FREM1: variants seen among roughly 807,000 people sequenced by gnomAD.
FREM1 encodes FRAS1 related extracellular matrix 1.
Under a neutral mutation model 210.1 loss-of-function variants are expected in FREM1, and 220 were observed. The ratio of observed to expected loss-of-function variants is 1.05; its 90% CI spans 0.94 to 1.17. The LOEUF (loss-of-function observed/expected upper bound fraction) is 1.17, where lower values mean the gene tolerates loss of function less well. FREM1 is among the 50% of genes most tolerant of loss of function. The pLI is 0.00. For missense variants in FREM1, 3,454 were observed against 2,675.5 expected, an observed-to-expected ratio of 1.29 and a Z score of -6.42; for synonymous variants, 1,189 against 980.2, an observed-to-expected ratio of 1.21 and a Z score of -3.98.
At chr9:14,902,996 G>A (rs28559272) in intron 1 of FREM1, among the ~76,000 whole-genome samples, 4,102 of 152,292 alleles carry the variant, frequency 0.027, 196 homozygotes, top group African/African-American at 0.092. Flanking sequence ...ACTATTTAAT[G>A]TAATCAAATG....
In FREM1 at chr9:14,784,621, G is replaced by A. The variant is rs1850126443; in HGVS notation, c.4191C>T (p.Ile1397=). 1.3e-6 allele frequency: 2 copies of A among 1,580,304 alleles called. No homozygotes were observed. The highest frequency in any genetic ancestry group is 1.3e-5 in the African/African-American group (1 of 74,354). ...IKDMEKGDIV[I]LTKPLVVSKG... Reference sequence around the variant, plus strand: ...TAGACACCACGAGTGGTTTTGTAAGGATGACAATATCACCTACATGACATA... The same window carrying A: ...TAGACACCACGAGTGGTTTTGTAAGAATGACAATATCACCTACATGACATA... Residue 1397 remains isoleucine (I), a synonymous_variant, in exon 24 of 37, where the codon ATC becomes ATT. Transcript: ENST00000380880.
intron 1 of FREM1, among the ~76,000 whole-genome samples, chr9:14,881,706 C>T (rs751284409): frequency 2.0e-5 from 3 of 152,150 alleles, no homozygotes; most frequent in Non-Finnish European, 4.4e-5. Context: ...TCACCTTCCT[C>T]CATAGAAATA....
intron 27 of FREM1, among the ~76,000 whole-genome samples, chr9:14,764,032 C>T (rs958158348): frequency 1.3e-5 from 2 of 152,136 alleles, no homozygotes; most frequent in Admixed American, 1.3e-4. Flanking sequence ...CCATAATTCC[C>T]ACATGTTGTG....
intron 1 of FREM1, among the ~76,000 whole-genome samples, chr9:14,885,504 C>T (rs575582288): frequency 1.5e-4 from 23 of 152,308 alleles, no homozygotes; most frequent in African/African-American, 5.5e-4. Context: ...ACTGCAGCCT[C>T]CAATTCCTGG....
intron 27 of FREM1, 109 bp downstream of exon 27, chr9:14,769,615 T>C: frequency 2.6e-6 from 3 of 1,157,528 alleles, no homozygotes; most frequent in Non-Finnish European, 3.6e-6. Flanking sequence ...AAATGGTCTA[T>C]TAATTTATCT....
chr9:14,808,974 G>A (rs906616085), intron 16 of FREM1, among the ~76,000 whole-genome samples: 3 of 152,196 alleles, frequency 2.0e-5, no homozygotes, highest in African/African-American at 7.2e-5. Context: ...CAAGAAGGCA[G>A]TGATACGGTT....
rs367683906 is a variant in FREM1 at position 14,824,134 on chromosome 9, G to A, written c.2079-19C>T. The A allele has an allele frequency of 3.1e-5, 45 of 1,445,280 alleles. No homozygotes were observed. Among genetic ancestry groups the A allele is most frequent in the South Asian group, 2.4e-5 (2 of 82,062 alleles). The allele number at this position is 1,445,280 out of a possible 1,614,324, so 89.5% of individuals were successfully genotyped here. On this transcript the variant is annotated intron_variant, in intron 11 of 36. Transcript: ENST00000380880. ...CAAGTGTCTAAAGAGAAATACAGAG[G>A]AGCACATCAGCTCATTTTTAGGTAA...
At chr9:14,804,750 A>G (rs1818048401) in intron 19 of FREM1, among the ~76,000 whole-genome samples, 1 of 152,170 alleles carries the variant, frequency 6.6e-6, no homozygotes, top group Non-Finnish European at 1.5e-5. Flanking sequence ...TAATTACTGA[A>G]GGGCTCTCCA....
chr9:14,868,677 C>G, intron 2 of FREM1, 67 bp downstream of exon 2: 1 of 982,962 alleles, frequency 1.0e-6, no homozygotes, highest in South Asian at 1.4e-5. Context: ...TTCTCTGTCC[C>G]CCCACACATT....
Position 14,792,824 on chromosome 9 carries a change from T to G in FREM1, c.3900A>C (p.Ser1300=). 7 of 1,603,686 alleles carry G rather than the reference T, an allele frequency of 4.4e-6. No individual in the cohort carries two copies. The highest frequency in any genetic ancestry group is 6.0e-6 in the Non-Finnish European group (7 of 1,173,950). Residue 1300 remains serine (S), a synonymous_variant, in exon 22 of 37, where the codon TCA becomes TCC. Coordinates refer to ENST00000380880, the MANE Select transcript of FREM1 (RefSeq NM_001379081.2). The part of the protein sequence containing the change: ...ETRIISSAIL[S]AIDEDSPREK... Reference sequence around the variant, plus strand: ...CCCTGGGTGAGTCTTCATCTATGGCTGAAAGAATAGCACTGGAAATAATAC... The same window carrying G: ...CCCTGGGTGAGTCTTCATCTATGGCGGAAAGAATAGCACTGGAAATAATAC...
intron 1 of FREM1, among the ~76,000 whole-genome samples, chr9:14,900,660 G>A (rs954545195): frequency 1.3e-5 from 2 of 152,252 alleles, no homozygotes; most frequent in East Asian, 3.9e-4. Context: ...AAGACAGGAC[G>A]CTCCAAGGGA....
intron 16 of FREM1, 57 bp downstream of exon 16, chr9:14,812,755 G>A (rs1245817153): frequency 6.6e-7 from 1 of 1,525,656 alleles, no homozygotes; most frequent in Admixed American, 1.9e-5. Flanking sequence ...CCACACTGAG[G>A]AGTGGAGACT....
intron 15 of FREM1, among the ~76,000 whole-genome samples, chr9:14,815,497 A>C (rs1277912413): frequency 2.6e-5 from 4 of 152,196 alleles, no homozygotes; most frequent in African/African-American, 9.7e-5. Context: ...GAAAATAATT[A>C]GTGGCTCTTC....
chr9:14,874,528 TCCTC>T (rs1238140373), intron 1 of FREM1, among the ~76,000 whole-genome samples: 1 of 150,646 alleles, frequency 6.6e-6, no homozygotes, highest in African/African-American at 2.5e-5. Context: ...TGGTAGATCT[TCCTC>T]CATCCTTTTA....
intron 20 of FREM1, among the ~76,000 whole-genome samples, chr9:14,798,521 G>T (rs983974982): frequency 1.3e-5 from 2 of 152,228 alleles, no homozygotes; most frequent in African/African-American, 4.8e-5. Context: ...AGGCAGGGAG[G>T]AATGCTTGAT....
intron 21 of FREM1, among the ~76,000 whole-genome samples, chr9:14,795,162 A>G (rs1852143858): frequency 6.6e-6 from 1 of 152,202 alleles, no homozygotes; most frequent in African/African-American, 2.4e-5. Context: ...GCTTGTAATA[A>G]TAACAATAAC....
chr9:14,864,781 C>T (rs1273461437), intron 2 of FREM1, among the ~76,000 whole-genome samples: 1 of 152,154 alleles, frequency 6.6e-6, no homozygotes, highest in Admixed American at 6.5e-5. Flanking sequence ...CTTTTCACAG[C>T]CTCAAACATT....
intron 8 of FREM1, 22 bp downstream of exon 8, chr9:14,845,938 G>A (rs1271469093): frequency 1.2e-5 from 19 of 1,612,356 alleles, no homozygotes; most frequent in Non-Finnish European, 1.5e-5. Context: ...TCTTTGCTAG[G>A]TTACCAAGTT....
chr9:14,849,638 G>C (rs1827299865), intron 6 of FREM1, among the ~76,000 whole-genome samples: 1 of 152,236 alleles, frequency 6.6e-6, no homozygotes, highest in Non-Finnish European at 1.5e-5. Flanking sequence ...CAAAGCAACA[G>C]ACTGAACAGG....
Sources: allele counts gnomAD v4.1 joint callset (sites outside exome capture counted in the v4.1 genomes callset), GRCh38; gene constraint gnomAD v4.1.1; transcripts MANE v1.5; gene names NCBI Gene and HGNC (gene_info 2026-07-23, HGNC 2026-07-21).